The following LZTFL1 variants were observed in gnomAD, a reference collection of about 807,000 sequenced individuals.
LZTFL1 encodes the protein leucine zipper transcription factor-like protein 1.
Under a neutral mutation model 45.9 loss-of-function variants are expected in LZTFL1, and 25 were observed. The ratio of observed to expected loss-of-function variants is 0.54; its 90% CI spans 0.40 to 0.76. The LOEUF (loss-of-function observed/expected upper bound fraction) is 0.76. Ranked by LOEUF, LZTFL1 falls within the 30% of genes least tolerant of loss-of-function variation. The probability of loss-of-function intolerance (pLI) is 0.00; values close to 1 mark genes in which losing one functional copy is unlikely to be tolerated. For synonymous variants in LZTFL1, 93 were observed against 117.4 expected (o/e 0.79, Z 1.35); for missense variants, 277 against 331.1 (o/e 0.84, Z 1.27).
At chr3:45,889,490 C>T (rs1362109598) in intron 2 of LZTFL1, among the ~76,000 whole-genome samples, 1 of 148,674 alleles carries the variant, frequency 6.7e-6, no homozygotes, top group East Asian at 2.0e-4. Flanking sequence ...GCTTCTTCTT[C>T]TTTTTTTTTT....
rs552320955 is a variant in LZTFL1, at chr3:45,887,146, T to C, written c.-215+25974A>G. On this transcript the variant is annotated intron_variant, in intron 2 of 4. Coordinates refer to the LZTFL1 transcript ENST00000472635. The stretch of plus-strand genomic sequence containing the variant: ...CATCCAATTCTATGATACGGTTCTA[T>C]GTTGAATTGGCATGGAAGGTGATCC... Among the ~76,000 whole-genome samples, 18 of 152,290 alleles carry C rather than the reference T, an allele frequency of 1.2e-4. No homozygotes were observed. In the East Asian group the frequency reaches 2.7e-3, roughly 23 times the overall value.
chr3:45,908,193 T>C (rs149354925), intron 2 of LZTFL1, among the ~76,000 whole-genome samples: 134 of 152,280 alleles, frequency 8.8e-4, no homozygotes, highest in Middle Eastern at 6.8e-3. Flanking sequence ...TGCCAGTTTC[T>C]GGGTGCAGAC....
intron 2 of LZTFL1, among the ~76,000 whole-genome samples, chr3:45,881,242 C>T (rs58065025): frequency 0.011 from 1,680 of 152,322 alleles, 23 homozygotes; most frequent in African/African-American, 0.032. Context: ...GAATATCTAA[C>T]GACCTGCTAG....
rs1702539857 is a variant in LZTFL1 at position 45,901,102 on chromosome 3, C to T, written c.-215+12018G>A. 1.2e-6 allele frequency: 2 copies of T among 1,614,016 alleles called. No individual in the cohort carries two copies. Among genetic ancestry groups the T allele is most frequent in the Non-Finnish European group, 1.7e-6 (2 of 1,180,002 alleles). On this transcript the variant is annotated intron_variant, in intron 2 of 4. Coordinates refer to the LZTFL1 transcript ENST00000472635. The surrounding 1 kb of genome is among the most constrained non-coding windows in gnomAD (Gnocchi z 4.3). The stretch of plus-strand genomic sequence containing the variant: ...TTTCTTGTCACTCTTCCCTTCTGGG[C>T]CATTGCTGCTGCTGACCAGTGGAAG...
intron 2 of LZTFL1, among the ~76,000 whole-genome samples, chr3:45,887,251 CTGTG>C (rs36040178): frequency 1.3e-4 from 20 of 149,210 alleles, no homozygotes; most frequent in African/African-American, 4.2e-4. Context: ...GCGTGTGTGT[CTGTG>C]TGTGTGTGTG....
intron 2 of LZTFL1, among the ~76,000 whole-genome samples, chr3:45,869,155 G>C (rs546785990): frequency 6.6e-6 from 1 of 152,164 alleles, no homozygotes; most frequent in African/African-American, 2.4e-5. Context: ...GATGGGCAGA[G>C]CACGAGATCA....
chr3:45,913,084 T>G, intron 2 of LZTFL1: 2 of 1,530,614 alleles, frequency 1.3e-6, no homozygotes, highest in Non-Finnish European at 1.8e-6. Flanking sequence ...CATAACGCAG[T>G]AGCAGTAATA....
intron 2 of LZTFL1, among the ~76,000 whole-genome samples, chr3:45,866,446 C>T (rs957610717): frequency 2.6e-5 from 4 of 152,186 alleles, no homozygotes; most frequent in Non-Finnish European, 5.9e-5. Context: ...GAAAGTTTCA[C>T]GTCCACCATA....
At chr3:45,907,575 G>A (rs554030463) in intron 2 of LZTFL1, among the ~76,000 whole-genome samples, 3 of 152,300 alleles carry the variant, frequency 2.0e-5, no homozygotes, top group Admixed American at 6.5e-5. Flanking sequence ...AGAGCTGGCC[G>A]AAGCGTCCCT....
chr3:45,863,784 G>A (rs1019681262), intron 2 of LZTFL1, among the ~76,000 whole-genome samples: 1 of 152,164 alleles, frequency 6.6e-6, no homozygotes, highest in Admixed American at 6.5e-5. Flanking sequence ...TGAAGAGACT[G>A]GAGGCTGGAT....
At chr3:45,860,308 A>T (rs993858360) in intron 2 of LZTFL1, among the ~76,000 whole-genome samples, 1 of 151,926 alleles carries the variant, frequency 6.6e-6, no homozygotes, top group African/African-American at 2.4e-5. Context: ...GTGTGTGCCC[A>T]TGAGTCTATA....
At chr3:45,853,298 A>G (rs1357056695) in intron 4 of LZTFL1, among the ~76,000 whole-genome samples, 3 of 152,226 alleles carry the variant, frequency 2.0e-5, no homozygotes, top group African/African-American at 7.2e-5. Flanking sequence ...GAGGGACACA[A>G]AGTTATATCA....
chr3:45,868,092 C>G (rs1701607514), intron 2 of LZTFL1, among the ~76,000 whole-genome samples: 1 of 148,366 alleles, frequency 6.7e-6, no homozygotes, highest in South Asian at 2.1e-4. Flanking sequence ...ATCCAGAGTG[C>G]AGCACACCAG....
intron 1 of LZTFL1, among the ~76,000 whole-genome samples, chr3:45,839,157 C>T (rs1701040765): frequency 6.6e-6 from 1 of 152,128 alleles, no homozygotes; most frequent in Non-Finnish European, 1.5e-5. Flanking sequence ...GGCGCAATCT[C>T]GGCTCACTGC....
At chr3:45,897,532 G>A (rs1207641975) in intron 2 of LZTFL1, 11 of 1,474,228 alleles carry the variant, frequency 7.5e-6, no homozygotes, top group South Asian at 1.2e-5. Flanking sequence ...TGGGATTTCT[G>A]CACAATTTCT....
intron 4 of LZTFL1, chr3:45,854,922 A>C: frequency 8.2e-7 from 1 of 1,220,762 alleles, no homozygotes; most frequent in Non-Finnish European, 1.1e-6. Context: ...AATAACAATA[A>C]AAAAACAGGA....
intron 2 of LZTFL1, among the ~76,000 whole-genome samples, chr3:45,870,512 ATCTT>A (rs1198542141): frequency 2.0e-5 from 3 of 152,242 alleles, no homozygotes; most frequent in Admixed American, 6.5e-5. Context: ...CAGAGAAACT[ATCTT>A]TCTTCTTGAT....
intron 4 of LZTFL1, among the ~76,000 whole-genome samples, chr3:45,847,716 C>A (rs2125699662): frequency 1.3e-5 from 2 of 152,312 alleles, no homozygotes. Flanking sequence ...TCCTTCAAGG[C>A]TCAGAGATTG....
intron 2 of LZTFL1, among the ~76,000 whole-genome samples, chr3:45,904,887 A>G (rs1051237580): frequency 2.0e-5 from 3 of 152,170 alleles, no homozygotes; most frequent in African/African-American, 7.2e-5. Context: ...GGGGTCCAGA[A>G]CAAAGCACAG....
Sources: allele counts gnomAD v4.1 joint callset (sites outside exome capture counted in the v4.1 genomes callset), GRCh38; gene constraint gnomAD v4.1.1; non-coding constraint Gnocchi (gnomAD v3.1); transcripts MANE v1.5; gene names NCBI Gene and HGNC (gene_info 2026-07-23, HGNC 2026-07-21).